The following TIMELESS variants were observed in gnomAD, a reference collection of about 807,000 sequenced individuals.
TIMELESS encodes protein timeless homolog.
Under a neutral mutation model 164.3 loss-of-function variants are expected in TIMELESS, and 124 were observed. The ratio of observed to expected loss-of-function variants is 0.75; its 90% CI spans 0.65 to 0.88. The LOEUF (loss-of-function observed/expected upper bound fraction) is 0.88, where lower values mean the gene tolerates loss of function less well. Ranked by LOEUF, TIMELESS falls within the 40% of genes least tolerant of loss-of-function variation. TIMELESS has a pLI of 0.00. For synonymous variants in TIMELESS, 564 were observed against 563.4 expected (o/e 1.00, Z -0.02); for missense variants, 1,422 against 1,491.4 (o/e 0.95, Z 0.77).
At chr12:56,431,441 G>A (rs1169164152) in intron 8 of TIMELESS, 30 bp downstream of exon 8, 11 of 1,590,846 alleles carry the variant, frequency 6.9e-6, no homozygotes, top group Non-Finnish European at 9.4e-6. Context: ...CCATGATGTA[G>A]GAAAAAGAAC....
At chr12:56,438,155 C>T (rs539609481) in intron 1 of TIMELESS, among the ~76,000 whole-genome samples, 1 of 152,262 alleles carries the variant, frequency 6.6e-6, no homozygotes, top group South Asian at 2.1e-4. Flanking sequence ...AAGCGATTCT[C>T]CTGCCTCAGC....
At position 56,417,731 on chromosome 12, in the gene TIMELESS, A is replaced by C. The variant is rs778377150; in HGVS notation, c.3612T>G (p.Asp1204Glu). 2 of 1,614,042 alleles carry C rather than the reference A, an allele frequency of 1.2e-6. No homozygotes were observed. Among genetic ancestry groups the C allele is most frequent in the South Asian group, 2.2e-5 (2 of 91,066 alleles). ...TCTTAGCTCTTCAGTCATCCTCATC[A>C]TCCTCAATCTGGTATCGTTTCTTCT... ...IQKKKRYQIE[D>E]DEDD The change falls in exon 29 of 29, where the codon GAT (aspartate) becomes GAG (glutamate). Residue 1204 changes from aspartate to glutamate, a missense_variant. By Grantham distance (45) the Asp-to-Glu change is conservative. Coordinates refer to ENST00000553532, the MANE Select transcript of TIMELESS (RefSeq NM_003920.5).
In TIMELESS at chr12:56,439,241, T is replaced by C. The variant is rs1014574675; in HGVS notation, c.-61-5010A>G. Among the ~76,000 whole-genome samples the C allele has an allele frequency of 2.7e-5, 4 of 147,016 alleles. No individual in the cohort carries two copies. In the Admixed American group the frequency reaches 2.7e-4, roughly 10 times the overall value. On this transcript the variant is annotated intron_variant, in intron 1 of 28. Transcript: ENST00000553532. ...CATATATTGTATGATGGAATTTATA[T>C]GAAATGTCCAGAATAGGCAAATGCA...
Position 56,433,805 on chromosome 12 carries a change from G to A in TIMELESS, c.219C>T (p.His73=). ...SDLLPILTQH[H]QDKPLFDAVI... is the part of the protein sequence containing the mutation. Reference sequence around the variant, plus strand: ...CAGCATCAAAGAGAGGCTTGTCCTGGTGGTGCTGGGTGAGGATGGGCAGAA... The same window carrying A: ...CAGCATCAAAGAGAGGCTTGTCCTGATGGTGCTGGGTGAGGATGGGCAGAA... Residue 73 remains histidine, a synonymous_variant, in exon 3 of 29, where the codon CAC becomes CAT. Coordinates refer to ENST00000553532, the MANE Select transcript of TIMELESS (RefSeq NM_003920.5). 6.2e-7 allele frequency: 1 copy of A among 1,614,148 alleles called. No homozygotes were observed. The highest frequency in any genetic ancestry group is 8.5e-7 in the Non-Finnish European group (1 of 1,180,030).
At chr12:56,443,944 G>C (rs1032795694) in intron 1 of TIMELESS, among the ~76,000 whole-genome samples, 29 of 150,726 alleles carry the variant, frequency 1.9e-4, no homozygotes, top group African/African-American at 7.1e-4. Flanking sequence ...TGTCATACAG[G>C]CTGGAGTGCA....
At chr12:56,442,508 T>C (rs1350456907) in intron 1 of TIMELESS, among the ~76,000 whole-genome samples, 1 of 152,130 alleles carries the variant, frequency 6.6e-6, no homozygotes, top group Admixed American at 6.5e-5. Context: ...AACAAAATGA[T>C]CAAACCAGGG....
At chr12:56,433,152 G>A in intron 5 of TIMELESS, 25 bp from the exon 6 acceptor site, 1 of 1,607,456 alleles carries the variant, frequency 6.2e-7, no homozygotes, top group East Asian at 2.2e-5. Flanking sequence ...GTAAGAGGAA[G>A]AGACTCCCTG....
At chr12:56,427,028 C>A (rs1157301863) in intron 13 of TIMELESS, among the ~76,000 whole-genome samples, 1 of 152,178 alleles carries the variant, frequency 6.6e-6, no homozygotes, top group Non-Finnish European at 1.5e-5. Context: ...TCAATCACAG[C>A]TCACTGCATC....
intron 1 of TIMELESS, among the ~76,000 whole-genome samples, chr12:56,443,150 T>TG (rs1295488173): frequency 4.6e-5 from 7 of 152,104 alleles, no homozygotes; most frequent in Non-Finnish European, 1.0e-4. Context: ...TCTGACTGCC[T>TG]GGGGGGTCAG....
intron 1 of TIMELESS, among the ~76,000 whole-genome samples, chr12:56,447,968 G>C (rs1052156732): frequency 4.6e-5 from 7 of 152,164 alleles, no homozygotes; most frequent in Admixed American, 1.3e-4. Context: ...AGTCAGGTGC[G>C]TAAGAGATTT....
chr12:56,425,638 G>A (rs189606257), intron 13 of TIMELESS, among the ~76,000 whole-genome samples: 86 of 152,324 alleles, frequency 5.6e-4, no homozygotes, highest in African/African-American at 1.7e-3. Flanking sequence ...ACTTTGGGAA[G>A]CCTAGGCAGG....
Position 56,428,912 on chromosome 12 carries a change from G to A in TIMELESS, c.1275C>T (p.Asp425=). Residue 425 remains aspartate, a synonymous_variant, in exon 11 of 29, where the codon GAC becomes GAT. Coordinates refer to ENST00000553532, the MANE Select transcript of TIMELESS (RefSeq NM_003920.5). ...LTNYYEMMLT[D]RKEAASWARR... ...GTGCCCAGGAGGCAGCTTCCTTGCG[G>A]TCAGTCAGCATCATCTCATAGTAGT... 6.2e-7 allele frequency: 1 copy of A among 1,614,026 alleles called. No individual in the cohort carries two copies. Among genetic ancestry groups the A allele is most frequent in the Non-Finnish European group, 8.5e-7 (1 of 1,180,036 alleles).
intron 27 of TIMELESS, 60 bp from the exon 28 acceptor site, chr12:56,418,068 T>C: frequency 3.1e-6 from 5 of 1,613,184 alleles, no homozygotes; most frequent in Non-Finnish European, 4.2e-6. Flanking sequence ...TCAGAACACC[T>C]TTCCTGCCCT....
At chr12:56,421,214 C>T (rs1314654828) in intron 23 of TIMELESS, 80 bp from the exon 24 acceptor site, 18 of 1,593,200 alleles carry the variant, frequency 1.1e-5, no homozygotes, top group Admixed American at 1.7e-5. Flanking sequence ...TCCTGACCAC[C>T]GCACCCCCCC....
intron 5 of TIMELESS, 87 bp downstream of exon 5, chr12:56,433,294 G>A (rs755216338): frequency 4.2e-5 from 62 of 1,493,730 alleles, no homozygotes; most frequent in Non-Finnish European, 5.7e-5. Flanking sequence ...CCCAAGGACT[G>A]GGACCATATC....
chr12:56,420,006 C>A (rs868110419), intron 26 of TIMELESS, among the ~76,000 whole-genome samples: 47 of 13,292 alleles, frequency 3.5e-3, no homozygotes, highest in African/African-American at 7.2e-3. Flanking sequence ...GACTCTGTCT[C>A]AAAAAAAAAA....
In TIMELESS at chr12:56,423,411, C is replaced by T. The variant is rs1881564567; in HGVS notation, c.2155G>A (p.Ala719Thr). The T allele has an allele frequency of 1.2e-6, 2 of 1,614,106 alleles. No individual in the cohort carries two copies. Among genetic ancestry groups the T allele is most frequent in the Non-Finnish European group, 1.7e-6 (2 of 1,180,024 alleles). The stretch of plus-strand genomic sequence containing the variant: ...TTCACAATGCAATGGTTAGTGTGGG[C>T]ACTATTCTGCTGGTAGCTCCTTAGT... Reference protein sequence around the residue: ...LLLRSYQQNSAHTNHCIVKML... With the variant: ...LLLRSYQQNSTHTNHCIVKML... The change falls in exon 18 of 29, where the codon GCC (alanine) becomes ACC (threonine). Residue 719 changes from alanine to threonine, a missense_variant. Ala to Thr is a moderately conservative substitution (Grantham distance 58). Transcript: ENST00000553532.
Position 56,420,811 on chromosome 12 carries a change from A to G in TIMELESS, c.3109+2T>C. On this transcript the variant is annotated splice_donor_variant, in intron 25 of 28. Transcript: ENST00000553532. LOFTEE classifies it high-confidence loss of function. ...TCCTAAAAGTGTCACCTGTCCACTC[A>G]CCATCCTCTTCCCGATCATCAGCTG... 6.2e-7 allele frequency: 1 copy of G among 1,614,094 alleles called. No homozygotes were observed. Among genetic ancestry groups the G allele is most frequent in the Non-Finnish European group, 8.5e-7 (1 of 1,180,000 alleles).
chr12:56,432,075 CA>C (rs1330093015), intron 7 of TIMELESS, among the ~76,000 whole-genome samples: 16 of 152,012 alleles, frequency 1.1e-4, no homozygotes, highest in Non-Finnish European at 1.9e-4. Context: ...TTAGGACAAA[CA>C]GGGACAAAAG....
Sources: gnomAD v4.1 joint callset for allele counts (sites outside exome capture counted in the v4.1 genomes callset) on GRCh38, gnomAD v4.1.1 for gene constraint, MANE v1.5 for transcripts, NCBI Gene and HGNC (gene_info 2026-07-23, HGNC 2026-07-21) for gene names.